Variants in KATNIP observed in about 807,000 individuals in gnomAD.
KATNIP encodes katanin-interacting protein.
KATNIP carries 126 observed loss-of-function variants against 174.0 expected under a neutral mutation model. The observed-to-expected ratio is 0.72, with a 90% CI of 0.63 to 0.84. KATNIP has a LOEUF of 0.84. Ranked by LOEUF, KATNIP falls within the 40% of genes least tolerant of loss-of-function variation. The probability of loss-of-function intolerance (pLI) is 0.00; values close to 1 mark genes in which losing one functional copy is unlikely to be tolerated. For missense variants in KATNIP, 1,958 were observed against 2,109.7 expected, an observed-to-expected ratio of 0.93 and a Z score of 1.41; for synonymous variants, 810 against 835.7, an observed-to-expected ratio of 0.97 and a Z score of 0.53.
chr16:27,672,617 A>T lies in KATNIP; in HGVS notation c.541-5112A>T, dbSNP rs117619923. On this transcript the variant is annotated intron_variant, in intron 6 of 27. Transcript: ENST00000261588. ...TATTGTCTTCCCCATTGGTTGGGCC[A>T]TGACAGATGCAAGAGAGTCTGTGTT... Among the ~76,000 whole-genome samples, 58 of 152,372 alleles carry T rather than the reference A, an allele frequency of 3.8e-4. 1 individual carries two copies. The East Asian group carries it at 8.5e-3, about 22-fold the overall frequency.
intron 2 of KATNIP, among the ~76,000 whole-genome samples, chr16:27,609,669 C>T (rs540657313): frequency 2.7e-5 from 4 of 150,654 alleles, no homozygotes; most frequent in Non-Finnish European, 4.4e-5. Context: ...GGATTACAGG[C>T]GTGAGCCACC....
At chr16:27,642,331 A>G (rs1426517991) in intron 5 of KATNIP, among the ~76,000 whole-genome samples, 1 of 152,214 alleles carries the variant, frequency 6.6e-6, no homozygotes, top group African/African-American at 2.4e-5. Flanking sequence ...CAAACACCGC[A>G]TGTTCTCACT....
intron 5 of KATNIP, among the ~76,000 whole-genome samples, chr16:27,645,226 C>T (rs2076923380): frequency 6.6e-6 from 1 of 152,226 alleles, no homozygotes; most frequent in Non-Finnish European, 1.5e-5. Context: ...TAGGTACAGC[C>T]CTGTGGTGCT....
chr16:27,713,819 T>TAC (rs2079777177), intron 13 of KATNIP, among the ~76,000 whole-genome samples: 1 of 38,314 alleles, frequency 2.6e-5, no homozygotes, highest in Non-Finnish European at 4.6e-5. Context: ...CATATATATA[T>TAC]ATATATATAT....
intron 2 of KATNIP, among the ~76,000 whole-genome samples, chr16:27,588,510 C>CG (rs1011583762): frequency 1.3e-4 from 20 of 151,910 alleles, no homozygotes; most frequent in African/African-American, 4.4e-4. Context: ...AGGCCTTGCT[C>CG]TGCCACTCAG....
chr16:27,600,082 G>A (rs565137759), intron 2 of KATNIP, among the ~76,000 whole-genome samples: 2 of 152,266 alleles, frequency 1.3e-5, no homozygotes, highest in South Asian at 4.1e-4. Flanking sequence ...CATTTGGTAG[G>A]TCATTTGATT....
chr16:27,604,823 G>A (rs2075650428), intron 2 of KATNIP, among the ~76,000 whole-genome samples: 1 of 152,052 alleles, frequency 6.6e-6, no homozygotes, highest in Non-Finnish European at 1.5e-5. Flanking sequence ...TCTTTTAGTA[G>A]GTCTGTATTT....
At chr16:27,729,138 A>G (rs2080563251) in intron 14 of KATNIP, among the ~76,000 whole-genome samples, 1 of 152,236 alleles carries the variant, frequency 6.6e-6, no homozygotes, top group Admixed American at 6.5e-5. Flanking sequence ...TCTTTGGCTC[A>G]TGTAAGAGAA....
chr16:27,697,578 T>C (rs911672269), intron 8 of KATNIP, among the ~76,000 whole-genome samples: 3 of 149,428 alleles, frequency 2.0e-5, no homozygotes, highest in African/African-American at 7.3e-5. Context: ...TCTATGTATA[T>C]ATATAATTAT....
In KATNIP at chr16:27,779,304, T is replaced by A. The variant is rs2082615009; in HGVS notation, c.*675T>A. Reference sequence around the variant, plus strand: ...ATCCTGCAGAGGGAAGGAAGTCAGCTGGGCCACCCGCCATCCACCTTGGCA... The same window carrying A: ...ATCCTGCAGAGGGAAGGAAGTCAGCAGGGCCACCCGCCATCCACCTTGGCA... On this transcript the variant is annotated 3_prime_UTR_variant, in exon 28 of 28. Transcript: ENST00000261588. 6.6e-6 allele frequency: 1 copy of A among 152,448 alleles called. No homozygotes were observed. Among genetic ancestry groups the A allele is most frequent in the Non-Finnish European group, 1.5e-5 (1 of 68,258 alleles). 9.4% of individuals were successfully genotyped at this position (152,448 alleles called of 1,614,324 possible). A position where few individuals can be genotyped will look rare whatever the true frequency, so the allele number is the denominator to read the frequency against.
In KATNIP at chr16:27,633,406, A is replaced by AT. The variant is rs560838154; in HGVS notation, c.408+2251dup. On this transcript the variant is annotated intron_variant, in intron 5 of 27. Coordinates refer to ENST00000261588, the MANE Select transcript of KATNIP (RefSeq NM_015202.5). ...AATTTATTTTTGTACTATATTTTTT[A>AT]TTTTTTTATATAAAATAAAAATTTA... Among the ~76,000 whole-genome samples, 311 of 147,358 alleles carry AT rather than the reference A, an allele frequency of 2.1e-3. 3 individuals carry two copies. The highest frequency in any genetic ancestry group is 6.6e-3 in the African/African-American group (268 of 40,606).
At chr16:27,641,428 A>G (rs921775982) in intron 5 of KATNIP, among the ~76,000 whole-genome samples, 1 of 151,944 alleles carries the variant, frequency 6.6e-6, no homozygotes, top group African/African-American at 2.4e-5. Context: ...CAGTCACCCA[A>G]TCACTGGGGG....
chr16:27,627,386 T>C (rs549038525), intron 3 of KATNIP, among the ~76,000 whole-genome samples: 2 of 152,334 alleles, frequency 1.3e-5, no homozygotes, highest in South Asian at 2.1e-4. Context: ...AAAATACATA[T>C]GTTAGGAAGC....
intron 1 of KATNIP, among the ~76,000 whole-genome samples, chr16:27,563,342 T>C (rs1178664252): frequency 6.6e-6 from 1 of 152,042 alleles, no homozygotes; most frequent in African/African-American, 2.4e-5. Context: ...GGAAGGAGTC[T>C]TGGGTCTACG....
chr16:27,655,164 A>C (rs1229663664), intron 6 of KATNIP, among the ~76,000 whole-genome samples: 2 of 120,366 alleles, frequency 1.7e-5, no homozygotes, highest in Non-Finnish European at 3.4e-5. Context: ...CTGGGCTGCT[A>C]CCCCCTAGAA....
rs765425656 is a variant in KATNIP at position 27,740,853 on chromosome 16, T to A, written c.2556T>A (p.Ser852Arg). The change falls in exon 15 of 28, where the codon AGT becomes AGA. Residue 852 changes from serine to arginine, a missense_variant. By Grantham distance (110) the Ser-to-Arg change is moderately radical. Around this residue, in one of 3 missense-constraint regions of KATNIP, gnomAD observed 1,557 missense variants for 1,617.8 expected, o/e 0.96. Transcript: ENST00000261588. ...CCCCCAACAGAGAGCGCCCTGCTAG[T>A]GGGAGGAGGGGCTCAAGGAAGGATG... ...NQPPNRERPA[S>R]GRRGSRKDAG... 11 of 1,611,544 alleles carry A rather than the reference T, an allele frequency of 6.8e-6. No homozygotes were observed. In the South Asian group the frequency reaches 9.9e-5, roughly 15 times the overall value.
rs572736209 is a variant in KATNIP at position 27,759,740 on chromosome 16, T to G, written c.3632-1673T>G. On this transcript the variant is annotated intron_variant, in intron 18 of 27. Transcript: ENST00000261588. ...CTTTACAGGCTCTGCTTGCCTCACG[T>G]GGGCTTCTGTCCCAGTGTTCAAAGC... 2.6e-5 allele frequency among the ~76,000 whole-genome samples: 4 copies of G among 152,288 alleles called. No homozygotes were observed. The East Asian group carries it at 5.8e-4, about 22-fold the overall frequency.
rs2082563265 is a variant in KATNIP, at chr16:27,777,990, C to T, written c.4801+21C>T. On this transcript the variant is annotated intron_variant, in intron 27 of 27. Transcript: ENST00000261588. This position sits in a 1 kb window ranked among gnomAD's most constrained non-coding sequence, Gnocchi z 4.4. ...CCCAGGTCAGTGGCGTTTCTCTGCCCAGAGCATTGTGCCTTGGGAGCTCGG... is the reference window on the plus strand; with the variant it reads ...CCCAGGTCAGTGGCGTTTCTCTGCCTAGAGCATTGTGCCTTGGGAGCTCGG... 1 of 1,608,584 alleles carries T rather than the reference C, an allele frequency of 6.2e-7. No individual in the cohort carries two copies. The highest frequency in any genetic ancestry group is 8.5e-7 in the Non-Finnish European group (1 of 1,175,174).
chr16:27,733,370 C>T (rs1024393186), intron 14 of KATNIP, among the ~76,000 whole-genome samples: 1 of 152,074 alleles, frequency 6.6e-6, no homozygotes, highest in African/African-American at 2.4e-5. Flanking sequence ...TTCTCACCAA[C>T]TGTAAAGAAG....
Sources: allele counts gnomAD v4.1 joint callset (sites outside exome capture counted in the v4.1 genomes callset), GRCh38; gene constraint gnomAD v4.1.1; regional missense constraint gnomAD v4.1.1; non-coding constraint Gnocchi (gnomAD v3.1); transcripts MANE v1.5; gene names NCBI Gene and HGNC (gene_info 2026-07-23, HGNC 2026-07-21).